Variants in SLC39A11 observed in about 807,000 individuals in gnomAD.
SLC39A11 encodes zinc transporter ZIP11.
SLC39A11 carries 33 observed loss-of-function variants against 36.1 expected under a neutral mutation model. That is an observed-to-expected ratio of 0.91 (90% CI 0.69 to 1.22). The LOEUF (loss-of-function observed/expected upper bound fraction) is 1.22. SLC39A11 is among the 50% of genes most tolerant of loss of function. The pLI is 0.00. For synonymous variants in SLC39A11, 166 were observed against 170.3 expected, an observed-to-expected ratio of 0.97 and a Z score of 0.20; for missense variants, 432 against 430.3, an observed-to-expected ratio of 1.00 and a Z score of -0.03.
At position 72,646,473 on chromosome 17, in the gene SLC39A11, G is replaced by C. The variant is rs1472749580; in HGVS notation, c.*1111C>G. ...ATTCTTTATAGGGACATTTCAGAAT[G>C]ATGAGTTGGCTAAAATTTACTTTAA... On this transcript the variant is annotated 3_prime_UTR_variant, in exon 10 of 10. Coordinates refer to ENST00000255559, the MANE Select transcript of SLC39A11 (RefSeq NM_139177.4). The C allele has an allele frequency of 1.3e-5, 2 of 152,254 alleles. No individual in the cohort carries two copies. The highest frequency in any genetic ancestry group is 4.8e-5 in the African/African-American group (2 of 41,466). 9.4% of individuals were successfully genotyped at this position (152,254 alleles called of 1,614,324 possible). A position where few individuals can be genotyped will look rare whatever the true frequency, so the allele number is the denominator to read the frequency against.
intron 7 of SLC39A11, among the ~76,000 whole-genome samples, chr17:72,696,509 C>T (rs932247616): frequency 2.6e-5 from 4 of 152,118 alleles, no homozygotes; most frequent in East Asian, 3.9e-4. Flanking sequence ...GTTCCTGTTC[C>T]GCTGGGCTTA....
chr17:72,656,976 T>C (rs2070156444), intron 7 of SLC39A11, among the ~76,000 whole-genome samples: 1 of 151,404 alleles, frequency 6.6e-6, no homozygotes, highest in Non-Finnish European at 1.5e-5. Flanking sequence ...ACCCTGTCTG[T>C]ATATAATAAA....
chr17:72,903,208 G>A (rs557098920), intron 5 of SLC39A11, among the ~76,000 whole-genome samples: 29 of 146,366 alleles, frequency 2.0e-4, no homozygotes, highest in Middle Eastern at 3.5e-3. Flanking sequence ...AGAGGATGCA[G>A]TGATCCAAGA....
At chr17:72,951,968 C>T (rs894411657) in intron 4 of SLC39A11, among the ~76,000 whole-genome samples, 13 of 151,978 alleles carry the variant, frequency 8.6e-5, no homozygotes, top group African/African-American at 2.9e-4. Context: ...GGCAGGGAGA[C>T]GAGCACTAAG....
chr17:72,767,128 A>T (rs565190237), intron 6 of SLC39A11, among the ~76,000 whole-genome samples: 22 of 152,360 alleles, frequency 1.4e-4, no homozygotes, highest in African/African-American at 5.3e-4. Context: ...TCTCAGGTTT[A>T]TTCTCCAAAA....
At chr17:72,991,181 C>G (rs2089148487) in intron 4 of SLC39A11, among the ~76,000 whole-genome samples, 1 of 152,142 alleles carries the variant, frequency 6.6e-6, no homozygotes, top group Non-Finnish European at 1.5e-5. Flanking sequence ...TACTCAATAT[C>G]TGAAAAATTC....
At chr17:72,906,627 A>T (rs1272583222) in intron 5 of SLC39A11, among the ~76,000 whole-genome samples, 1 of 152,250 alleles carries the variant, frequency 6.6e-6, no homozygotes, top group Non-Finnish European at 1.5e-5. Flanking sequence ...CTGATGACAG[A>T]AGGCAACTCA....
intron 3 of SLC39A11, among the ~76,000 whole-genome samples, chr17:73,041,325 C>G (rs1428798199): frequency 2.0e-5 from 3 of 152,182 alleles, no homozygotes; most frequent in Non-Finnish European, 2.9e-5. Flanking sequence ...GATGGATGCT[C>G]AAGAAGGCTG....
intron 4 of SLC39A11, among the ~76,000 whole-genome samples, chr17:72,961,242 A>C (rs1340134766): frequency 6.6e-6 from 1 of 152,200 alleles, no homozygotes; most frequent in African/African-American, 2.4e-5. Flanking sequence ...CAGGAAACAA[A>C]GATGCTGGAG....
At chr17:72,902,516 C>T (rs544853374) in intron 5 of SLC39A11, among the ~76,000 whole-genome samples, 45 of 152,298 alleles carry the variant, frequency 3.0e-4, no homozygotes, top group African/African-American at 9.1e-4. Flanking sequence ...TAAATCTCTA[C>T]GGTTTTAAGT....
intron 4 of SLC39A11, among the ~76,000 whole-genome samples, chr17:72,949,067 A>T (rs6501586): frequency 0.1 from 15,258 of 150,084 alleles, 2,395 homozygotes; most frequent in African/African-American, 0.34. Context: ...TTGGCAAAAA[A>T]TAGTAGATAT....
rs773721982 is a variant in SLC39A11 at position 72,947,923 on chromosome 17, T to C, written c.307-48A>G. ...CACTAGAGCACCACTACTGTGTTAA[T>C]TCCCCAGATGCTTCTGGCTCACGGG... On this transcript the variant is annotated intron_variant, in intron 4 of 9. Coordinates refer to ENST00000255559, the MANE Select transcript of SLC39A11 (RefSeq NM_139177.4). The C allele has an allele frequency of 4.4e-6, 7 of 1,604,582 alleles. No individual in the cohort carries two copies. In the South Asian group the frequency reaches 6.6e-5, roughly 15 times the overall value.
At chr17:73,025,349 A>C (rs2148624843) in intron 4 of SLC39A11, among the ~76,000 whole-genome samples, 1 of 152,336 alleles carries the variant, frequency 6.6e-6, no homozygotes, top group East Asian at 1.9e-4. Context: ...CCCAGGAAAA[A>C]GTCTGCCAAG....
At chr17:72,922,793 C>T (rs1400186231) in intron 5 of SLC39A11, among the ~76,000 whole-genome samples, 1 of 151,770 alleles carries the variant, frequency 6.6e-6, no homozygotes, top group Admixed American at 6.6e-5. Context: ...CATGGCAAAA[C>T]CCCATATCTA....
chr17:72,967,358 T>C (rs1016978250), intron 4 of SLC39A11, among the ~76,000 whole-genome samples: 4 of 70,954 alleles, frequency 5.6e-5, no homozygotes, highest in South Asian at 1.2e-3. Context: ...GAAAATGCTA[T>C]ATAAGCATGC....
intron 7 of SLC39A11, among the ~76,000 whole-genome samples, chr17:72,712,108 TG>T: frequency 6.6e-6 from 1 of 152,236 alleles, no homozygotes; most frequent in Admixed American, 6.5e-5. Flanking sequence ...CAAGCACATT[TG>T]TTTCAGAAGA....
intron 4 of SLC39A11, among the ~76,000 whole-genome samples, chr17:73,027,889 T>C (rs1197323824): frequency 3.3e-5 from 5 of 152,066 alleles, no homozygotes; most frequent in African/African-American, 7.2e-5. Context: ...TCCTTATTTC[T>C]CCAGGTGAAA....
At chr17:72,726,936 G>C (rs2073955377) in intron 7 of SLC39A11, among the ~76,000 whole-genome samples, 1 of 152,142 alleles carries the variant, frequency 6.6e-6, no homozygotes, top group African/African-American at 2.4e-5. Flanking sequence ...AGCAGTAGCT[G>C]GTCCGGTCAT....
intron 7 of SLC39A11, among the ~76,000 whole-genome samples, chr17:72,652,354 ACTT>A (rs909978876): frequency 5.9e-5 from 9 of 152,128 alleles, no homozygotes; most frequent in Non-Finnish European, 8.8e-5. Context: ...TTGCAGTCTG[ACTT>A]CTTCTGTCCA....
Sources: allele counts gnomAD v4.1 joint callset (sites outside exome capture counted in the v4.1 genomes callset), GRCh38; gene constraint gnomAD v4.1.1; transcripts MANE v1.5; gene names NCBI Gene and HGNC (gene_info 2026-07-23, HGNC 2026-07-21).